FNDC3B: variants seen among roughly 807,000 people sequenced by gnomAD.
FNDC3B encodes the protein fibronectin type III domain containing 3B, also known as fibronectin type III domain-containing protein 3B.
In FNDC3B, 12 loss-of-function variants were observed where a neutral mutation model predicts 151.5. That is an observed-to-expected ratio of 0.08 (90% confidence interval 0.05 to 0.13). The LOEUF (loss-of-function observed/expected upper bound fraction) is 0.13. Among genes scored for constraint, FNDC3B ranks in the 10% least tolerant of loss-of-function variants. The pLI is 1.00. For synonymous variants in FNDC3B, 528 were observed against 549.0 expected, an observed-to-expected ratio of 0.96 and a Z score of 0.54; for missense variants, 1,214 against 1,505.3, an observed-to-expected ratio of 0.81 and a Z score of 3.20.
At position 172,332,985 on chromosome 3, in the gene FNDC3B, T is replaced by TG. The variant is rs763385506; in HGVS notation, c.1555-103dup. 149 of 791,780 alleles carry TG rather than the reference T, an allele frequency of 1.9e-4. 1 individual carries two copies. The highest frequency in any genetic ancestry group is 3.0e-4 in the Non-Finnish European group (131 of 443,646). 49.0% of individuals were successfully genotyped at this position (791,780 alleles called of 1,614,324 possible). A position where few individuals can be genotyped will look rare whatever the true frequency, so the allele number is the denominator to read the frequency against. The stretch of plus-strand genomic sequence containing the variant: ...GGTAGCTGCCAGACCTCTGGCCAGT[T>TG]GCTGGTGATGGTAGGGAAAGGCAGT... On this transcript the variant is annotated intron_variant, in intron 13 of 25. Coordinates refer to ENST00000415807, the MANE Select transcript of FNDC3B (RefSeq NM_022763.4).
intron 1 of FNDC3B, among the ~76,000 whole-genome samples, chr3:172,106,072 A>C (rs997600117): frequency 6.6e-6 from 1 of 152,202 alleles, no homozygotes; most frequent in Admixed American, 6.5e-5. Context: ...AAGTTGCTTT[A>C]TGGGTGCTTG....
At chr3:172,381,801 G>A (rs992554378) in intron 25 of FNDC3B, among the ~76,000 whole-genome samples, 20 of 152,074 alleles carry the variant, frequency 1.3e-4, no homozygotes, top group African/African-American at 4.1e-4. Context: ...ACATGAACTC[G>A]TTCTTTTTTT....
chr3:172,145,936 C>T (rs1262269975), intron 3 of FNDC3B, among the ~76,000 whole-genome samples: 1 of 151,584 alleles, frequency 6.6e-6, no homozygotes, highest in East Asian at 1.9e-4. Context: ...GCCTCAGCCT[C>T]CTGAGTAGCT....
At chr3:172,270,960 A>T (rs1729174404) in intron 6 of FNDC3B, among the ~76,000 whole-genome samples, 1 of 152,200 alleles carries the variant, frequency 6.6e-6, no homozygotes, top group African/African-American at 2.4e-5. Context: ...TTTTTTGAGG[A>T]ACTGAAATGC....
chr3:172,052,015 A>G (rs1716676397), intron 1 of FNDC3B, among the ~76,000 whole-genome samples: 1 of 152,108 alleles, frequency 6.6e-6, no homozygotes, highest in Non-Finnish European at 1.5e-5. Context: ...ATTTTTTAAA[A>G]TAATGTAACT....
chr3:172,274,991 T>C (rs554395163), intron 6 of FNDC3B, among the ~76,000 whole-genome samples: 1 of 152,336 alleles, frequency 6.6e-6, no homozygotes, highest in South Asian at 2.1e-4. Flanking sequence ...CCATTTTTTT[T>C]CTTTTCTGTT....
At chr3:172,373,450 C>T (rs955530991) in intron 23 of FNDC3B, among the ~76,000 whole-genome samples, 3 of 152,136 alleles carry the variant, frequency 2.0e-5, no homozygotes, top group African/African-American at 7.2e-5. Flanking sequence ...TAGGAAAGCT[C>T]GACAAATGCT....
chr3:172,378,053 G>A (rs888316144), intron 23 of FNDC3B, among the ~76,000 whole-genome samples: 2 of 152,148 alleles, frequency 1.3e-5, no homozygotes, highest in Non-Finnish European at 2.9e-5. Context: ...TCTCATTCCA[G>A]TCTTTATATG....
chr3:172,367,503 G>A (rs1029648300), intron 23 of FNDC3B, among the ~76,000 whole-genome samples: 11 of 152,136 alleles, frequency 7.2e-5, no homozygotes, highest in African/African-American at 2.2e-4. Context: ...TTTGGTTCCC[G>A]TGTTATACAA....
chr3:172,380,953 A>AT lies in FNDC3B; in HGVS notation c.3176-10dup, dbSNP rs1735405484. On this transcript the variant is annotated splice_polypyrimidine_tract_variant and intron_variant, in intron 24 of 25. Transcript: ENST00000415807. ...TTGAATTTTGAGCTTGGATGTGTGGATTTGTATTTCAGCACCTCGAGTAAC... is the reference window on the plus strand; with the variant it reads ...TTGAATTTTGAGCTTGGATGTGTGGATTTTGTATTTCAGCACCTCGAGTAAC... 6.2e-7 allele frequency: 1 copy of AT among 1,612,140 alleles called. No homozygotes were observed. Among genetic ancestry groups the AT allele is most frequent in the Non-Finnish European group, 8.5e-7 (1 of 1,178,752 alleles).
intron 9 of FNDC3B, chr3:172,301,638 G>C (rs141104658): frequency 2.0e-5 from 3 of 152,330 alleles, no homozygotes; most frequent in African/African-American, 7.2e-5. Flanking sequence ...TCGAGAGAAT[G>C]ACTTGAGCCC....
At chr3:172,217,919 G>T (rs192404308) in intron 3 of FNDC3B, among the ~76,000 whole-genome samples, 1 of 152,122 alleles carries the variant, frequency 6.6e-6, no homozygotes, top group South Asian at 2.1e-4. Context: ...AAATGGCCAG[G>T]TGAGAAGATG....
At chr3:172,362,404 A>G (rs893312649) in intron 22 of FNDC3B, among the ~76,000 whole-genome samples, 2 of 148,068 alleles carry the variant, frequency 1.4e-5, no homozygotes, top group African/African-American at 4.9e-5. Flanking sequence ...ACTAAGAGAT[A>G]TCTTGCTACC....
At chr3:172,121,999 ATCTC>A (rs551920257) in intron 2 of FNDC3B, among the ~76,000 whole-genome samples, 100 of 152,368 alleles carry the variant, frequency 6.6e-4, no homozygotes, top group African/African-American at 2.2e-3. Flanking sequence ...CTACTGATGT[ATCTC>A]ATAGTACAGT....
chr3:172,290,357 T>C (rs181099298), intron 7 of FNDC3B, among the ~76,000 whole-genome samples: 122 of 152,276 alleles, frequency 8.0e-4, no homozygotes, highest in Non-Finnish European at 1.3e-3. Flanking sequence ...ATACTAGGTA[T>C]TTATCTTGGG....
intron 1 of FNDC3B, among the ~76,000 whole-genome samples, chr3:172,110,280 A>T (rs913756719): frequency 1.3e-5 from 2 of 152,150 alleles, no homozygotes; most frequent in African/African-American, 2.4e-5. Context: ...CACAGGACTC[A>T]CACAAGAAAC....
intron 3 of FNDC3B, among the ~76,000 whole-genome samples, chr3:172,158,017 T>C (rs1312948128): frequency 6.6e-6 from 1 of 152,154 alleles, no homozygotes; most frequent in Non-Finnish European, 1.5e-5. Flanking sequence ...TCACTCCTTC[T>C]ACCCTGTGTG....
intron 2 of FNDC3B, among the ~76,000 whole-genome samples, chr3:172,114,883 T>C (rs1720168434): frequency 6.6e-6 from 1 of 152,218 alleles, no homozygotes; most frequent in Non-Finnish European, 1.5e-5. Flanking sequence ...TTAAAAAATC[T>C]CACAAGAAGG....
intron 2 of FNDC3B, among the ~76,000 whole-genome samples, chr3:172,123,002 T>C (rs185257270): frequency 3.2e-4 from 48 of 152,342 alleles, no homozygotes; most frequent in African/African-American, 1.2e-3. Context: ...CTTGTGTTAT[T>C]GACCAATTAT....
Sources: allele counts gnomAD v4.1 joint callset (sites outside exome capture counted in the v4.1 genomes callset), GRCh38; gene constraint gnomAD v4.1.1; transcripts MANE v1.5; gene names NCBI Gene and HGNC (gene_info 2026-07-23, HGNC 2026-07-21).